Variants in BMPR1A observed in about 807,000 individuals in gnomAD.
The protein encoded by BMPR1A is bone morphogenetic protein receptor type-1A.
A neutral mutation model predicts 66.0 loss-of-function variants in BMPR1A; 7 were observed. That is an observed-to-expected ratio of 0.11 (90% CI 0.06 to 0.20). BMPR1A has a LOEUF of 0.20. BMPR1A is among the 10% of genes least tolerant of loss of function. The pLI, the probability that BMPR1A is intolerant of heterozygous loss-of-function variation, is 1.00. For missense variants in BMPR1A, 408 were observed against 669.1 expected (o/e 0.61, Z 4.31); for synonymous variants, 200 against 229.7 (o/e 0.87, Z 1.17).
At position 86,899,902 on chromosome 10, in the gene BMPR1A, G is replaced by A. The variant is rs201530603; in HGVS notation, c.430+12G>A. The A allele has an allele frequency of 1.5e-5, 25 of 1,613,126 alleles. No homozygotes were observed. Among genetic ancestry groups the A allele is most frequent in the Middle Eastern group, 1.7e-4 (1 of 6,060 alleles). ...CCCTGTTGTCATAGGTAGGTTAGCC[G>A]AGAAAAGTCGGAGCATGCTTCTCAA... is the stretch of plus-strand genomic sequence containing the variant. On this transcript the variant is annotated intron_variant, in intron 6 of 12. Coordinates refer to ENST00000372037, the MANE Select transcript of BMPR1A (RefSeq NM_004329.3).
rs748893570 is a variant in BMPR1A, at chr10:86,780,654, C to T, written c.-268+23735C>T. On this transcript the variant is annotated intron_variant, in intron 1 of 12. Coordinates refer to ENST00000372037, the MANE Select transcript of BMPR1A (RefSeq NM_004329.3). ...TTCACCATGTTGGTCAGGCTGGTCT[C>T]GAGTTCCTGACCTCATGATCCTCCT... Among the ~76,000 whole-genome samples, 10 of 151,950 alleles carry T rather than the reference C, an allele frequency of 6.6e-5. No individual in the cohort carries two copies. In the East Asian group the frequency reaches 9.7e-4, roughly 15 times the overall value.
At chr10:86,833,620 G>T (rs898672905) in intron 1 of BMPR1A, among the ~76,000 whole-genome samples, 1 of 152,158 alleles carries the variant, frequency 6.6e-6, no homozygotes, top group Non-Finnish European at 1.5e-5. Context: ...AACAGATTTT[G>T]TGCTGGTGGT....
chr10:86,811,286 G>A (rs936409525), intron 1 of BMPR1A, among the ~76,000 whole-genome samples: 5 of 152,120 alleles, frequency 3.3e-5, no homozygotes, highest in African/African-American at 9.7e-5. Flanking sequence ...TGATCCACCC[G>A]CCTCAGCCTC....
intron 1 of BMPR1A, among the ~76,000 whole-genome samples, chr10:86,799,928 C>T (rs1211510881): frequency 6.6e-6 from 1 of 152,024 alleles, no homozygotes. Flanking sequence ...TGTTGGTAGT[C>T]TTTTGAGTCT....
intron 1 of BMPR1A, among the ~76,000 whole-genome samples, chr10:86,795,938 GA>G (rs1841703626): frequency 6.6e-6 from 1 of 151,958 alleles, no homozygotes; most frequent in African/African-American, 2.4e-5. Flanking sequence ...ATTTTGAGGG[GA>G]AAAAAATAAC....
chr10:86,893,680 C>T (rs993478056), intron 5 of BMPR1A, among the ~76,000 whole-genome samples: 2 of 151,670 alleles, frequency 1.3e-5, no homozygotes, highest in Non-Finnish European at 2.9e-5. Context: ...CCCAGCTACT[C>T]GGGAGGCTGA....
intron 2 of BMPR1A, among the ~76,000 whole-genome samples, chr10:86,851,482 T>G (rs966655084): frequency 1.3e-5 from 2 of 152,342 alleles, no homozygotes; most frequent in African/African-American, 4.8e-5. Context: ...GGATAGTCAC[T>G]ACATGGCACA....
At chr10:86,781,234 T>C (rs1841433420) in intron 1 of BMPR1A, among the ~76,000 whole-genome samples, 1 of 152,202 alleles carries the variant, frequency 6.6e-6, no homozygotes, top group Non-Finnish European at 1.5e-5. Flanking sequence ...CGTCTGCTTT[T>C]ATTCTTCTGC....
intron 3 of BMPR1A, among the ~76,000 whole-genome samples, chr10:86,883,549 CAA>C (rs71019436): frequency 1.8e-4 from 8 of 45,402 alleles, no homozygotes; most frequent in Middle Eastern, 0.017. Context: ...GACTCCGTCT[CAA>C]AAAAAAAAAA....
chr10:86,885,145 T>C (rs1843053242), intron 3 of BMPR1A, among the ~76,000 whole-genome samples: 1 of 152,246 alleles, frequency 6.6e-6, no homozygotes, highest in Non-Finnish European at 1.5e-5. Flanking sequence ...TTGCAAACTA[T>C]AGCCCACAAA....
chr10:86,905,981 C>T (rs1024732718), intron 7 of BMPR1A, among the ~76,000 whole-genome samples: 2 of 152,028 alleles, frequency 1.3e-5, no homozygotes, highest in Non-Finnish European at 2.9e-5. Context: ...TATTTAATTC[C>T]AAGTTTTAGG....
chr10:86,889,630 T>G, intron 3 of BMPR1A: 1 of 182,540 alleles, frequency 5.5e-6, no homozygotes, highest in Non-Finnish European at 1.1e-5. Flanking sequence ...GGGCGAGGCT[T>G]ATTCATTGCA....
intron 2 of BMPR1A, among the ~76,000 whole-genome samples, chr10:86,851,354 T>G (rs1842564349): frequency 6.6e-6 from 1 of 152,240 alleles, no homozygotes. Flanking sequence ...TTGAACATTT[T>G]TATTCCTTTG....
At position 86,778,446 on chromosome 10, in the gene BMPR1A, C is replaced by T. The variant is rs78818837; in HGVS notation, c.-268+21527C>T. Among the ~76,000 whole-genome samples the T allele has an allele frequency of 2.3e-4, 35 of 152,030 alleles. No homozygotes were observed. In the East Asian group the frequency reaches 6.0e-3, roughly 26 times the overall value. On this transcript the variant is annotated intron_variant, in intron 1 of 12. Transcript: ENST00000372037. ...ATGTGAGCCACCGTGCCTGCCCTGCCGCTAGTGTATTTTATGTGTGGTCCA... is the reference window on the plus strand; with the variant it reads ...ATGTGAGCCACCGTGCCTGCCCTGCTGCTAGTGTATTTTATGTGTGGTCCA...
intron 1 of BMPR1A, among the ~76,000 whole-genome samples, chr10:86,787,264 A>T (rs1841530735): frequency 6.6e-6 from 1 of 152,194 alleles, no homozygotes; most frequent in African/African-American, 2.4e-5. Context: ...CCAGTAAAGA[A>T]AGGGGTCACT....
intron 1 of BMPR1A, among the ~76,000 whole-genome samples, chr10:86,837,233 G>A (rs1182268180): frequency 9.8e-6 from 1 of 101,926 alleles, no homozygotes; most frequent in African/African-American, 4.2e-5. Context: ...GAATCAGGCT[G>A]TGTGTGTGTG....
At chr10:86,873,333 T>C (rs1842876601) in intron 2 of BMPR1A, among the ~76,000 whole-genome samples, 1 of 151,876 alleles carries the variant, frequency 6.6e-6, no homozygotes, top group Non-Finnish European at 1.5e-5. Context: ...ACCTGTAATC[T>C]CAGCACTCTG....
intron 10 of BMPR1A, among the ~76,000 whole-genome samples, chr10:86,920,634 T>C: frequency 6.6e-6 from 1 of 152,184 alleles, no homozygotes; most frequent in East Asian, 1.9e-4. Context: ...GATCACTGCT[T>C]TAGAGTAATT....
Position 86,813,089 on chromosome 10 carries a change from T to A in BMPR1A, c.-267-25776T>A, listed in dbSNP as rs543240981. Among the ~76,000 whole-genome samples the A allele has an allele frequency of 3.3e-5, 5 of 152,366 alleles. No homozygotes were observed. The East Asian group carries it at 9.6e-4, about 29-fold the overall frequency. ...TTTAAAAATAATGAATTTGGTTCCC[T>A]ATCTTCTCTGAAGGTGATTTTCTTT... On this transcript the variant is annotated intron_variant, in intron 1 of 12. Transcript: ENST00000372037.
Sources: gnomAD v4.1 joint callset for allele counts (sites outside exome capture counted in the v4.1 genomes callset) on GRCh38, gnomAD v4.1.1 for gene constraint, MANE v1.5 for transcripts, NCBI Gene and HGNC (gene_info 2026-07-23, HGNC 2026-07-21) for gene names.